DPP10: variants seen among roughly 807,000 people sequenced by gnomAD.
DPP10 encodes the protein dipeptidyl peptidase like 10, also known as inactive dipeptidyl peptidase 10.
DPP10 carries 33 observed loss-of-function variants against 120.9 expected under a neutral mutation model. The ratio of observed to expected loss-of-function variants is 0.27; its 90% CI spans 0.21 to 0.37. DPP10 has a LOEUF of 0.37. Among genes scored for constraint, DPP10 ranks in the 10% least tolerant of loss-of-function variants. DPP10 has a pLI of 1.00. For missense variants in DPP10, 816 were observed against 942.8 expected, an observed-to-expected ratio of 0.87 and a Z score of 1.76; for synonymous variants, 337 against 326.1, an observed-to-expected ratio of 1.03 and a Z score of -0.36.
chr2:115,667,299 G>C (rs1017857950), intron 5 of DPP10, among the ~76,000 whole-genome samples: 1 of 151,986 alleles, frequency 6.6e-6, no homozygotes, highest in Admixed American at 6.6e-5. Context: ...CAGTCTGTAG[G>C]TTGTTTGTGT....
At chr2:115,586,676 T>A (rs2082308733) in intron 5 of DPP10, among the ~76,000 whole-genome samples, 1 of 152,004 alleles carries the variant, frequency 6.6e-6, no homozygotes, top group Non-Finnish European at 1.5e-5. Context: ...GCTTTTTGTT[T>A]TGTTTTTGTT....
intron 1 of DPP10, among the ~76,000 whole-genome samples, chr2:114,678,460 C>T (rs1194195620): frequency 6.6e-6 from 1 of 152,038 alleles, no homozygotes; most frequent in Non-Finnish European, 1.5e-5. Context: ...CCTGCCTTCC[C>T]TTGCCTTACC....
At chr2:114,867,227 C>T (rs1050064249) in intron 1 of DPP10, among the ~76,000 whole-genome samples, 2 of 152,096 alleles carry the variant, frequency 1.3e-5, no homozygotes, top group Admixed American at 6.6e-5. Flanking sequence ...ACTTTTAGCT[C>T]ACTCCTGCCT....
chr2:115,180,828 G>A (rs191587381), intron 1 of DPP10, among the ~76,000 whole-genome samples: 37 of 152,228 alleles, frequency 2.4e-4, no homozygotes, highest in African/African-American at 8.7e-4. Flanking sequence ...AATGTCCATG[G>A]AGGTAACTAT....
chr2:114,936,007 A>G (rs1334460045), intron 1 of DPP10, among the ~76,000 whole-genome samples: 6 of 151,660 alleles, frequency 4.0e-5, no homozygotes, highest in Non-Finnish European at 8.8e-5. Context: ...TTTTATTTCA[A>G]TAGGTTTTGG....
At chr2:115,685,356 A>G (rs2090929665) in intron 5 of DPP10, among the ~76,000 whole-genome samples, 1 of 151,982 alleles carries the variant, frequency 6.6e-6, no homozygotes, top group Non-Finnish European at 1.5e-5. Context: ...AACCAAAAAG[A>G]TTAATCATTT....
intron 1 of DPP10, among the ~76,000 whole-genome samples, chr2:114,819,339 A>C (rs1452585477): frequency 1.3e-5 from 2 of 152,114 alleles, no homozygotes; most frequent in African/African-American, 4.8e-5. Flanking sequence ...GACCCCAAAC[A>C]AGCCACTTAC....
At chr2:114,795,642 A>AT (rs1159556201) in intron 1 of DPP10, among the ~76,000 whole-genome samples, 1 of 151,994 alleles carries the variant, frequency 6.6e-6, no homozygotes, top group African/African-American at 2.4e-5. Context: ...CTATACGCAG[A>AT]TTTTTTTTCA....
At chr2:115,324,538 T>A (rs1292182831) in intron 2 of DPP10, among the ~76,000 whole-genome samples, 1 of 152,154 alleles carries the variant, frequency 6.6e-6, no homozygotes, top group East Asian at 1.9e-4. Flanking sequence ...CTCTCAGCCT[T>A]CACAGAATTG....
At chr2:114,574,344 G>A (rs1334580341) in intron 1 of DPP10, among the ~76,000 whole-genome samples, 1 of 152,148 alleles carries the variant, frequency 6.6e-6, no homozygotes, top group Non-Finnish European at 1.5e-5. Context: ...AGCAGGGTCA[G>A]CATCCCCGCC....
intron 1 of DPP10, among the ~76,000 whole-genome samples, chr2:114,862,551 T>C (rs1317139012): frequency 6.6e-6 from 1 of 152,056 alleles, no homozygotes; most frequent in Admixed American, 6.6e-5. Context: ...TCTCTGATTT[T>C]TGAGCAATGA....
chr2:115,392,076 C>T (rs999292179), intron 3 of DPP10, among the ~76,000 whole-genome samples: 1 of 152,144 alleles, frequency 6.6e-6, no homozygotes, highest in Non-Finnish European at 1.5e-5. Context: ...TTCTTATGGT[C>T]ATTAAGGTCC....
At chr2:115,768,512 A>G (rs1681073584) in intron 13 of DPP10, 108 bp downstream of exon 13, 2 of 873,288 alleles carry the variant, frequency 2.3e-6, no homozygotes, top group Non-Finnish European at 1.8e-6. Context: ...AAACCCAGCC[A>G]TATATACAAC....
intron 1 of DPP10, among the ~76,000 whole-genome samples, chr2:114,873,179 G>A (rs1258133139): frequency 1.3e-5 from 2 of 152,186 alleles, no homozygotes; most frequent in African/African-American, 4.8e-5. Flanking sequence ...TTGGTGAAGA[G>A]TTGATCCTGC....
At chr2:114,744,228 T>A (rs1260138904) in intron 1 of DPP10, among the ~76,000 whole-genome samples, 1 of 152,180 alleles carries the variant, frequency 6.6e-6, no homozygotes, top group Non-Finnish European at 1.5e-5. Context: ...CTTATTTCTA[T>A]GGGCAACAAG....
intron 1 of DPP10, among the ~76,000 whole-genome samples, chr2:114,748,357 TTTTA>T (rs1170805781): frequency 3.9e-5 from 5 of 126,602 alleles, no homozygotes; most frequent in South Asian, 2.5e-4. Flanking sequence ...TTTTATTTTT[TTTTA>T]TTTTATTTAT....
rs182904712 is a variant in DPP10, at chr2:114,805,549, C to T, written c.60+362711C>T. The stretch of plus-strand genomic sequence containing the variant: ...ATAAACAAACACTTTCAGTACTTAA[C>T]GCTAGCCCTTCTCTCATATATCAAC... On this transcript the variant is annotated intron_variant, in intron 1 of 25. Coordinates refer to ENST00000410059, the MANE Select transcript of DPP10 (RefSeq NM_020868.6). Among the ~76,000 whole-genome samples, 19 of 152,332 alleles carry T rather than the reference C, an allele frequency of 1.2e-4. No individual in the cohort carries two copies. The East Asian group carries it at 1.5e-3, about 12-fold the overall frequency.
intron 7 of DPP10, among the ~76,000 whole-genome samples, chr2:115,713,450 A>G (rs959611586): frequency 1.3e-5 from 2 of 152,188 alleles, no homozygotes; most frequent in Non-Finnish European, 2.9e-5. Flanking sequence ...TTTAGTGGCA[A>G]CAGGCTTACA....
chr2:115,706,488 A>G (rs1171639536), intron 7 of DPP10, among the ~76,000 whole-genome samples: 2 of 151,964 alleles, frequency 1.3e-5, no homozygotes, highest in African/African-American at 4.8e-5. Context: ...ATAATCTAAT[A>G]TACACAATGT....
Sources: gnomAD v4.1 joint callset for allele counts (sites outside exome capture counted in the v4.1 genomes callset) on GRCh38, gnomAD v4.1.1 for gene constraint, MANE v1.5 for transcripts, NCBI Gene and HGNC (gene_info 2026-07-23, HGNC 2026-07-21) for gene names.